Variants in CCDC88C observed in about 807,000 individuals in gnomAD.
The protein encoded by CCDC88C is protein Daple.
Under a neutral mutation model 198.8 loss-of-function variants are expected in CCDC88C, and 131 were observed. The observed-to-expected ratio is 0.66, with a 90% CI of 0.57 to 0.76. CCDC88C has a LOEUF of 0.76. Among genes scored for constraint, CCDC88C ranks in the 30% least tolerant of loss-of-function variants. The probability of loss-of-function intolerance (pLI) is 0.00; values close to 1 mark genes in which losing one functional copy is unlikely to be tolerated. For synonymous variants in CCDC88C, 1,166 were observed against 1,114.7 expected (o/e 1.05, Z -0.92); for missense variants, 2,553 against 2,631.6 (o/e 0.97, Z 0.65).
At chr14:91,370,573 G>A (rs1894745939) in intron 3 of CCDC88C, among the ~76,000 whole-genome samples, 1 of 152,220 alleles carries the variant, frequency 6.6e-6, no homozygotes, top group Non-Finnish European at 1.5e-5. Flanking sequence ...ACACGGGCAG[G>A]ACACGGCATT....
Position 91,331,050 on chromosome 14 carries a change from C to T in CCDC88C, c.1051-4994G>A, listed in dbSNP as rs148421682. On this transcript the variant is annotated intron_variant, in intron 10 of 29. Transcript: ENST00000389857. ...GGGGCTGGGGCTGAGGAGTGCTTGC[C>T]GGATATGTCCATGTCAGGAGCGCCC... Among the ~76,000 whole-genome samples the T allele has an allele frequency of 3.0e-3, 409 of 138,310 alleles. 2 individuals carry two copies. The highest frequency in any genetic ancestry group is 0.01 in the African/African-American group (391 of 37,774). 90.7% of individuals were successfully genotyped at this position (138,310 alleles called of 152,430 possible). A position where few individuals can be genotyped will look rare whatever the true frequency, so the allele number is the denominator to read the frequency against.
intron 6 of CCDC88C, among the ~76,000 whole-genome samples, chr14:91,340,570 A>G (rs1285792): frequency 0.012 from 1,824 of 152,246 alleles, 30 homozygotes; most frequent in East Asian, 0.022. Context: ...TGGCCAGGGA[A>G]CGGAGATACA....
chr14:91,327,791 C>T (rs933436302), intron 10 of CCDC88C, among the ~76,000 whole-genome samples: 5 of 152,228 alleles, frequency 3.3e-5, no homozygotes, highest in African/African-American at 1.2e-4. Context: ...CAGGGTCCAC[C>T]GCCAGCACTC....
At chr14:91,299,619 A>G (rs1891180327) in intron 21 of CCDC88C, among the ~76,000 whole-genome samples, 2 of 152,210 alleles carry the variant, frequency 1.3e-5, no homozygotes. Context: ...CTCCTTCATG[A>G]GCAAGAGGCA....
chr14:91,313,338 C>T lies in CCDC88C; in HGVS notation c.2478G>A (p.Glu826=), dbSNP rs776369982. Reference sequence around the variant, plus strand: ...TCTTATCCTTCTCGAGCTGGGCCACCTCCTGCTCCAGGGCCTTCCTGTCCT... The same window carrying T: ...TCTTATCCTTCTCGAGCTGGGCCACTTCCTGCTCCAGGGCCTTCCTGTCCT... The part of the protein sequence containing the change: ...AEKDRKALEQ[E]VAQLEKDKKL... The change falls in exon 15 of 30, where the codon GAG becomes GAA. Residue 826 remains glutamate, a synonymous_variant. Coordinates refer to ENST00000389857, the MANE Select transcript of CCDC88C (RefSeq NM_001080414.4). The surrounding 1 kb of genome is among the most constrained non-coding windows in gnomAD (Gnocchi z 5.2). The T allele has an allele frequency of 6.2e-7, 1 of 1,613,146 alleles. No homozygotes were observed. Among genetic ancestry groups the T allele is most frequent in the Non-Finnish European group, 8.5e-7 (1 of 1,179,898 alleles).
At chr14:91,416,016 T>G (rs1887027955) in intron 2 of CCDC88C, among the ~76,000 whole-genome samples, 3 of 152,106 alleles carry the variant, frequency 2.0e-5, no homozygotes, top group African/African-American at 7.2e-5. Flanking sequence ...TTCCCTGCAG[T>G]TTGAGTTAAA....
chr14:91,308,830 T>C (rs1233461614), intron 16 of CCDC88C, among the ~76,000 whole-genome samples: 2 of 152,136 alleles, frequency 1.3e-5, no homozygotes, highest in African/African-American at 4.8e-5. Context: ...CTAGGTTAAG[T>C]GGTAAGTCTA....
At chr14:91,360,880 G>A (rs996821155) in intron 3 of CCDC88C, among the ~76,000 whole-genome samples, 1 of 152,162 alleles carries the variant, frequency 6.6e-6, no homozygotes, top group Non-Finnish European at 1.5e-5. Context: ...GGTGGGGCAC[G>A]GTGGACACGC....
Position 91,339,899 on chromosome 14 carries a change from C to G in CCDC88C, c.609G>C (p.Arg203=). Residue 203 remains arginine (R), a synonymous_variant, in exon 7 of 30, where the codon CGG becomes CGC. Coordinates refer to ENST00000389857, the MANE Select transcript of CCDC88C (RefSeq NM_001080414.4). This position sits in a 1 kb window ranked among gnomAD's most constrained non-coding sequence, Gnocchi z 5.8. ...GCGGACGCACCTCGGTGCACTCGTC[C>G]CGCTGGTCGATGAGCCTCCGCAGGT... ...VLHLRRLIDQ[R]DECTELIVDL... 2 of 1,589,322 alleles carry G rather than the reference C, an allele frequency of 1.3e-6. No homozygotes were observed. The highest frequency in any genetic ancestry group is 1.7e-6 in the Non-Finnish European group (2 of 1,169,064).
In CCDC88C at chr14:91,346,758, G is replaced by C. The variant is rs914064423; in HGVS notation, c.341-3101C>G. ...TACCAAAGGTACAAAAATTAGCTGG[G>C]CGTGGTGGCACGCGTCTGTAATCCC... On this transcript the variant is annotated intron_variant, in intron 4 of 29. Transcript: ENST00000389857. 3.3e-5 allele frequency among the ~76,000 whole-genome samples: 5 copies of C among 152,136 alleles called. No homozygotes were observed. In the South Asian group the frequency reaches 1.0e-3, roughly 32 times the overall value.
At chr14:91,340,906 G>C (rs1893286268) in intron 6 of CCDC88C, among the ~76,000 whole-genome samples, 1 of 152,112 alleles carries the variant, frequency 6.6e-6, no homozygotes, top group Non-Finnish European at 1.5e-5. Context: ...GGAGGCTGGG[G>C]CAGGAGGACC....
At chr14:91,362,003 G>A (rs947330722) in intron 3 of CCDC88C, among the ~76,000 whole-genome samples, 2 of 152,146 alleles carry the variant, frequency 1.3e-5, no homozygotes, top group African/African-American at 4.8e-5. Context: ...GGAGGCCAAG[G>A]TGGGCGGATC....
chr14:91,273,500 G>A lies in CCDC88C; in HGVS notation c.5212C>T (p.Pro1738Ser), dbSNP rs368661534. ...TTCAGCGGCCTCCCCTCCGAGGTGG[G>A]GGCGGCCATTTTGACGGTGGGGGCC... ...FVAPTVKMAA[P>S]TSEGRPLKPG... Residue 1738 changes from proline (P) to serine (S), a missense_variant, in exon 30 of 30, where the codon CCC (proline) becomes TCC (serine). Transcript: ENST00000389857. The surrounding 1 kb of genome is among the most constrained non-coding windows in gnomAD (Gnocchi z 5.6). 4.9e-5 allele frequency: 76 copies of A among 1,548,944 alleles called. No homozygotes were observed. The highest frequency in any genetic ancestry group is 6.1e-5 in the Admixed American group (3 of 49,072).
At chr14:91,308,675 G>C (rs995347332) in intron 16 of CCDC88C, among the ~76,000 whole-genome samples, 183 bp from the exon 17 acceptor site, 2 of 152,048 alleles carry the variant, frequency 1.3e-5, no homozygotes, top group African/African-American at 4.8e-5. Flanking sequence ...GGGTTCCCTG[G>C]GTAGAAACAC....
rs887084009 is a variant in CCDC88C, at chr14:91,371,137, T to C, written c.271-11426A>G. ...CCTCTGTCCCTAAGTCCACCCCTCC[T>C]GGCTAAAACGACAGCATCGGTGCTC... On this transcript the variant is annotated intron_variant, in intron 3 of 29. Transcript: ENST00000389857. The surrounding 1 kb of genome is among the most constrained non-coding windows in gnomAD (Gnocchi z 4.2). 2.0e-5 allele frequency among the ~76,000 whole-genome samples: 3 copies of C among 152,178 alleles called. No homozygotes were observed. Among genetic ancestry groups the C allele is most frequent in the Admixed American group, 6.5e-5 (1 of 15,284 alleles).
At chr14:91,402,390 C>G (rs748018145) in intron 3 of CCDC88C, among the ~76,000 whole-genome samples, 3 of 152,224 alleles carry the variant, frequency 2.0e-5, no homozygotes, top group Non-Finnish European at 2.9e-5. Context: ...GCATGCTTAT[C>G]TAATACAACT....
At chr14:91,285,839 A>G in intron 25 of CCDC88C, 1 of 1,285,148 alleles carries the variant, frequency 7.8e-7, no homozygotes, top group Non-Finnish European at 1.0e-6. Context: ...CGGAGGTGCT[A>G]AATTGTTATC....
chr14:91,283,308 C>A, intron 26 of CCDC88C, 21 bp downstream of exon 26: 1 of 1,610,150 alleles, frequency 6.2e-7, no homozygotes, highest in East Asian at 2.2e-5. Flanking sequence ...GCTCATGGCT[C>A]TGGAAGGGCC....
chr14:91,283,432 C>T lies in CCDC88C; in HGVS notation c.4527G>A (p.Arg1509=). The stretch of plus-strand genomic sequence containing the variant: ...GGGAGCCCAGCTCCGAGGGCCAGGA[C>T]CTCATGGCCAGATCGGTGGAGGCAT... ...RTDASTDLAM[R]SWPSELGSRT... The change falls in exon 26 of 30, where the codon AGG becomes AGA. Residue 1509 remains arginine, a synonymous_variant. Transcript: ENST00000389857. The T allele has an allele frequency of 6.2e-7, 1 of 1,613,532 alleles. No homozygotes were observed. The highest frequency in any genetic ancestry group is 8.5e-7 in the Non-Finnish European group (1 of 1,179,756).
Sources: gnomAD v4.1 joint callset for allele counts (sites outside exome capture counted in the v4.1 genomes callset) on GRCh38, gnomAD v4.1.1 for gene constraint, Gnocchi (gnomAD v3.1) non-coding constraint, MANE v1.5 for transcripts, NCBI Gene and HGNC (gene_info 2026-07-23, HGNC 2026-07-21) for gene names.